Variants in LRIG3 observed in about 807,000 individuals in gnomAD.
LRIG3 encodes the protein leucine rich repeats and immunoglobulin like domains 3.
A neutral mutation model predicts 114.5 loss-of-function variants in LRIG3; 76 were observed. That is an observed-to-expected ratio of 0.66 (90% confidence interval 0.55 to 0.80). The LOEUF is 0.80. Ranked by LOEUF, LRIG3 falls within the 30% of genes least tolerant of loss-of-function variation. The pLI is 0.00. For synonymous variants in LRIG3, 512 were observed against 519.8 expected, an observed-to-expected ratio of 0.98 and a Z score of 0.20; for missense variants, 1,239 against 1,382.8, an observed-to-expected ratio of 0.90 and a Z score of 1.65.
At chr12:58,896,728 C>G (rs1368656399) in intron 3 of LRIG3, among the ~76,000 whole-genome samples, 1 of 152,180 alleles carries the variant, frequency 6.6e-6, no homozygotes, top group African/African-American at 2.4e-5. Flanking sequence ...ACCACATCCC[C>G]TAAGTCCAAT....
chr12:58,897,562 T>C (rs1871686861), intron 3 of LRIG3, among the ~76,000 whole-genome samples: 2 of 152,078 alleles, frequency 1.3e-5, no homozygotes, highest in Non-Finnish European at 1.5e-5. Flanking sequence ...CTGAGCAACA[T>C]TGCAAGACCC....
intron 3 of LRIG3, among the ~76,000 whole-genome samples, chr12:58,909,477 TC>T (rs1872191360): frequency 1.3e-5 from 2 of 152,132 alleles, no homozygotes; most frequent in African/African-American, 2.4e-5. Flanking sequence ...GCCTCAGGCG[TC>T]AGGATAAGAG....
intron 3 of LRIG3, among the ~76,000 whole-genome samples, chr12:58,895,902 C>T (rs1470674072): frequency 1.3e-5 from 2 of 152,184 alleles, no homozygotes; most frequent in African/African-American, 4.8e-5. Context: ...CCTTCCCTGA[C>T]ATACAGGATC....
intron 3 of LRIG3, among the ~76,000 whole-genome samples, chr12:58,906,029 C>T (rs1451588788): frequency 2.0e-5 from 3 of 152,158 alleles, no homozygotes; most frequent in African/African-American, 7.2e-5. Flanking sequence ...GCCCATTCAT[C>T]TGCATCAGGA....
chr12:58,874,181 GC>G lies in LRIG3; in HGVS notation c.2988del (p.Lys996AsnfsTer15). 1 of 1,614,210 alleles carries G rather than the reference GC, an allele frequency of 6.2e-7. No homozygotes were observed. The highest frequency in any genetic ancestry group is 8.5e-7 in the Non-Finnish European group (1 of 1,180,038). On this transcript the variant is annotated frameshift_variant, in exon 18 of 19. Coordinates refer to ENST00000320743, the MANE Select transcript of LRIG3 (RefSeq NM_153377.5). LOFTEE classifies it high-confidence loss of function. ...TTGTGAGAGTAACTAGTGTTAAGTA[GC>G]TTCCTCACATGTGAAGGCCACGATA... is the stretch of plus-strand genomic sequence containing the variant. Reference protein sequence around the residue: ...SNISWPSHVRKLLNTSYSHNE... With the variant: ...SNISWPSHVRXLLNTSYSHNE...
chr12:58,878,880 C>CAGCT lies in LRIG3; in HGVS notation c.2023_2026dup (p.Cys676Ter). On this transcript the variant is annotated stop_gained and frameshift_variant, in exon 14 of 19. Transcript: ENST00000320743. LOFTEE classifies it high-confidence loss of function. ...ACTTCCTGCACTGTTCTGAGCTGTG[C>CAGCT]AGCTGTATACCCCAATGTCCTCTAT... The CAGCT allele has an allele frequency of 6.2e-7, 1 of 1,614,208 alleles. No homozygotes were observed. The highest frequency in any genetic ancestry group is 8.5e-7 in the Non-Finnish European group (1 of 1,180,036).
At chr12:58,886,919 A>G (rs1316748328) in intron 8 of LRIG3, 29 bp from the exon 9 acceptor site, 3 of 1,586,098 alleles carry the variant, frequency 1.9e-6, no homozygotes, top group Non-Finnish European at 2.6e-6. Flanking sequence ...TTCCCTTTAG[A>G]GTGATAAGCT....
At chr12:58,910,805 A>G (rs1872248170) in intron 3 of LRIG3, among the ~76,000 whole-genome samples, 2 of 152,154 alleles carry the variant, frequency 1.3e-5, no homozygotes, top group East Asian at 1.9e-4. Flanking sequence ...TTCAACTACA[A>G]TGCTGTAGAA....
In LRIG3 at chr12:58,893,823, T is replaced by A. The variant is rs116132288; in HGVS notation, c.384-3027A>T. On this transcript the variant is annotated intron_variant, in intron 3 of 18. Transcript: ENST00000320743. ...GCCCCTCTCTCTATCCCCTCCCCTATCCCTAGCCCTATCTCCCTTCAAACT... is the reference window on the plus strand; with the variant it reads ...GCCCCTCTCTCTATCCCCTCCCCTAACCCTAGCCCTATCTCCCTTCAAACT... 9.3e-3 allele frequency among the ~76,000 whole-genome samples: 1,416 copies of A among 152,260 alleles called. 19 individuals carry two copies. The highest frequency in any genetic ancestry group is 0.031 in the African/African-American group (1,294 of 41,528).
intron 13 of LRIG3, chr12:58,880,343 G>T: frequency 2.6e-5 from 16 of 617,012 alleles, no homozygotes; most frequent in Non-Finnish European, 3.5e-5. Context: ...GCAAAAACAT[G>T]TCTGGTTCAT....
chr12:58,886,601 T>G (rs1235338713), intron 9 of LRIG3, among the ~76,000 whole-genome samples: 1 of 152,134 alleles, frequency 6.6e-6, no homozygotes, highest in African/African-American at 2.4e-5. Context: ...TACTAAAATG[T>G]TGAATAAAAC....
intron 3 of LRIG3, among the ~76,000 whole-genome samples, chr12:58,894,480 A>C (rs1871570245): frequency 6.6e-6 from 1 of 152,220 alleles, no homozygotes; most frequent in African/African-American, 2.4e-5. Flanking sequence ...AAAATGGGAG[A>C]CAACTACCTT....
chr12:58,878,775 G>A (rs1427102539), intron 14 of LRIG3, 49 bp downstream of exon 14: 2 of 1,564,304 alleles, frequency 1.3e-6, no homozygotes, highest in African/African-American at 1.3e-5. Context: ...GGATGAGCTA[G>A]TATCTTCAAG....
At chr12:58,890,818 G>T in intron 3 of LRIG3, 22 bp from the exon 4 acceptor site, 1 of 1,588,474 alleles carries the variant, frequency 6.3e-7, no homozygotes, top group Non-Finnish European at 8.5e-7. Context: ...AGAAACCACA[G>T]TTAACAAGGT....
At chr12:58,884,008 G>A (rs900653494) in intron 10 of LRIG3, among the ~76,000 whole-genome samples, 6 of 152,150 alleles carry the variant, frequency 3.9e-5, no homozygotes, top group African/African-American at 1.4e-4. Context: ...TATGCACTCA[G>A]TTAAGTGATT....
intron 1 of LRIG3, chr12:58,919,281 A>T: frequency 1.9e-6 from 2 of 1,039,242 alleles, no homozygotes; most frequent in Non-Finnish European, 2.7e-6. Context: ...AAAAACTTGC[A>T]TAAGAGCTCC....
chr12:58,913,020 G>A (rs147508797), intron 3 of LRIG3, among the ~76,000 whole-genome samples: 41 of 152,206 alleles, frequency 2.7e-4, no homozygotes, highest in South Asian at 1.0e-3. Flanking sequence ...GGCTGCACCC[G>A]TGACTTAGCT....
At chr12:58,878,344 G>T (rs746401952) in intron 14 of LRIG3, among the ~76,000 whole-genome samples, 32 of 152,004 alleles carry the variant, frequency 2.1e-4, no homozygotes, top group Non-Finnish European at 4.3e-4. Flanking sequence ...TCAAAGATAC[G>T]TGAATAATAA....
Position 58,872,535 on chromosome 12 carries a change from G to A in LRIG3, c.*37C>T, listed in dbSNP as rs767478421. 1 of 1,521,486 alleles carries A rather than the reference G, an allele frequency of 6.6e-7. No homozygotes were observed. Among genetic ancestry groups the A allele is most frequent in the East Asian group, 2.3e-5 (1 of 43,838 alleles). 94.2% of individuals were successfully genotyped at this position (1,521,486 alleles called of 1,614,324 possible). A position where few individuals can be genotyped will look rare whatever the true frequency, so the allele number is the denominator to read the frequency against. On this transcript the variant is annotated 3_prime_UTR_variant, in exon 19 of 19. Transcript: ENST00000320743. ...CTCTTTTAAATAAAAGTTCACTTGA[G>A]GTAGTATGTTAAGCTTTTCCTTTGG...
Sources: allele counts gnomAD v4.1 joint callset (sites outside exome capture counted in the v4.1 genomes callset), GRCh38; gene constraint gnomAD v4.1.1; transcripts MANE v1.5; gene names NCBI Gene and HGNC (gene_info 2026-07-23, HGNC 2026-07-21).